The following ASTN2 variants were observed in gnomAD, a reference collection of about 807,000 sequenced individuals.
ASTN2 encodes the protein astrotactin 2.
ASTN2 carries 54 observed loss-of-function variants against 139.8 expected under a neutral mutation model. The ratio of observed to expected loss-of-function variants is 0.39; its 90% CI spans 0.31 to 0.48. The LOEUF is 0.48. Ranked by LOEUF, ASTN2 falls within the 20% of genes least tolerant of loss-of-function variation. The pLI is 0.95. For missense variants in ASTN2, 1,565 were observed against 1,725.1 expected, an observed-to-expected ratio of 0.91 and a Z score of 1.64; for synonymous variants, 756 against 719.5, an observed-to-expected ratio of 1.05 and a Z score of -0.81.
chr9:116,573,401 AT>A (rs943774824), intron 19 of ASTN2, among the ~76,000 whole-genome samples: 5 of 152,202 alleles, frequency 3.3e-5, no homozygotes, highest in South Asian at 4.2e-4. Context: ...AGTTAAACAG[AT>A]TTTTTTTCTC....
chr9:117,224,732 G>A (rs1014005440), intron 2 of ASTN2, among the ~76,000 whole-genome samples: 2 of 152,156 alleles, frequency 1.3e-5, no homozygotes, highest in South Asian at 2.1e-4. Flanking sequence ...ACCATTTCAC[G>A]TTTCTGTGCT....
Position 116,541,863 on chromosome 9 carries a change from A to G in ASTN2, c.3356-54363T>C, listed in dbSNP as rs1851890067. Among the ~76,000 whole-genome samples, 3 of 152,208 alleles carry G rather than the reference A, an allele frequency of 2.0e-5. No individual in the cohort carries two copies. The South Asian group carries it at 6.2e-4, about 31-fold the overall frequency. On this transcript the variant is annotated intron_variant, in intron 19 of 22. Coordinates refer to ENST00000313400, the MANE Select transcript of ASTN2 (RefSeq NM_001365068.1). ...AATTAAATTTTTAAATTTTAAGATA[A>G]TTGTAGATTCATATGCAGTTATAAG... is the stretch of plus-strand genomic sequence containing the variant.
chr9:117,360,378 C>T (rs186848887), intron 1 of ASTN2, among the ~76,000 whole-genome samples: 354 of 152,072 alleles, frequency 2.3e-3, no homozygotes, highest in Non-Finnish European at 4.5e-3. Context: ...GGTGTCTAAC[C>T]GAGCTGGTAG....
chr9:117,080,235 C>T (rs1828391016), intron 5 of ASTN2, among the ~76,000 whole-genome samples: 1 of 152,040 alleles, frequency 6.6e-6, no homozygotes, highest in Non-Finnish European at 1.5e-5. Flanking sequence ...ATTTGTTTGT[C>T]CTTAAAAGTA....
rs116672262 is a variant in ASTN2 at position 116,445,560 on chromosome 9, T to C, written c.3498-3007A>G. 5.3e-3 allele frequency among the ~76,000 whole-genome samples: 813 copies of C among 152,300 alleles called. 6 individuals are homozygous for C. The highest frequency in any genetic ancestry group is 0.019 in the African/African-American group (777 of 41,560). ...AGAGGGCCCAGGGTCATCTCGCTGC[T>C]TAGCCAAGCAGCATGAATAAGAGAG... On this transcript the variant is annotated intron_variant, in intron 20 of 22. Coordinates refer to ENST00000313400, the MANE Select transcript of ASTN2 (RefSeq NM_001365068.1).
At chr9:116,969,622 A>T (rs1817144705) in intron 10 of ASTN2, among the ~76,000 whole-genome samples, 1 of 152,164 alleles carries the variant, frequency 6.6e-6, no homozygotes, top group Non-Finnish European at 1.5e-5. Flanking sequence ...GAGTCCCAAC[A>T]TTTGGGAGCA....
intron 13 of ASTN2, among the ~76,000 whole-genome samples, chr9:116,742,111 ATT>A (rs1829110931): frequency 6.6e-6 from 1 of 152,224 alleles, no homozygotes; most frequent in African/African-American, 2.4e-5. Context: ...AAGGTAAATC[ATT>A]GTTTTGAAAA....
intron 16 of ASTN2, among the ~76,000 whole-genome samples, chr9:116,682,804 C>T (rs1022759939): frequency 2.0e-5 from 3 of 151,940 alleles, no homozygotes; most frequent in Admixed American, 6.6e-5. Flanking sequence ...CATATTCTCA[C>T]TCATAGGTGG....
At chr9:116,862,281 C>T (rs2132338750) in intron 11 of ASTN2, among the ~76,000 whole-genome samples, 1 of 152,246 alleles carries the variant, frequency 6.6e-6, no homozygotes, top group South Asian at 2.1e-4. Context: ...TCTATCCTTC[C>T]CTTCTTCTTT....
chr9:116,999,446 C>T (rs1837121650), intron 7 of ASTN2, among the ~76,000 whole-genome samples: 1 of 151,276 alleles, frequency 6.6e-6, no homozygotes. Flanking sequence ...ATGTAACATA[C>T]TCAAGGTCGA....
At chr9:117,341,450 C>A (rs1256825969) in intron 1 of ASTN2, among the ~76,000 whole-genome samples, 4 of 151,762 alleles carry the variant, frequency 2.6e-5, no homozygotes, top group Non-Finnish European at 5.9e-5. Flanking sequence ...GTTAAGAAAA[C>A]AAAAAGAAGG....
rs151043090 is a variant in ASTN2 at position 117,207,767 on chromosome 9, A to T, written c.1015+6591T>A. ...CATGGCCCTAATATCAGGGAATCAG[A>T]CCCCAAGCTGCATGAACATCCCCCT... On this transcript the variant is annotated intron_variant, in intron 3 of 22. Coordinates refer to ENST00000313400, the MANE Select transcript of ASTN2 (RefSeq NM_001365068.1). 8.8e-4 allele frequency among the ~76,000 whole-genome samples: 134 copies of T among 152,166 alleles called. 2 individuals are homozygous for T. The East Asian group carries it at 0.015, about 18-fold the overall frequency.
chr9:117,362,620 A>T (rs1332518007), intron 1 of ASTN2, among the ~76,000 whole-genome samples: 1 of 152,070 alleles, frequency 6.6e-6, no homozygotes, highest in East Asian at 1.9e-4. Flanking sequence ...TCAGGATGGC[A>T]AGAGCTTCCT....
intron 16 of ASTN2, among the ~76,000 whole-genome samples, chr9:116,710,069 G>A (rs911951024): frequency 1.3e-5 from 2 of 152,120 alleles, no homozygotes. Context: ...TCACATCTGG[G>A]AAAACTGATA....
chr9:116,897,789 G>C (rs528530425), intron 10 of ASTN2, among the ~76,000 whole-genome samples: 1 of 151,758 alleles, frequency 6.6e-6, no homozygotes, highest in Non-Finnish European at 1.5e-5. Context: ...ACACATTACA[G>C]CATTCCTATG....
chr9:116,863,913 C>T (rs1564311624), intron 10 of ASTN2, among the ~76,000 whole-genome samples, 180 bp from the exon 11 acceptor site: 1 of 152,104 alleles, frequency 6.6e-6, no homozygotes, highest in Non-Finnish European at 1.5e-5. Context: ...CGGTGCTTGT[C>T]AAGTTGTGAT....
At chr9:117,184,417 C>A (rs1831148351) in intron 3 of ASTN2, among the ~76,000 whole-genome samples, 2 of 152,164 alleles carry the variant, frequency 1.3e-5, no homozygotes. Flanking sequence ...CATCTGTTCT[C>A]CGAAGGCTTC....
chr9:117,248,231 G>A (rs1351774775), intron 2 of ASTN2, among the ~76,000 whole-genome samples: 1 of 152,164 alleles, frequency 6.6e-6, no homozygotes, highest in Non-Finnish European at 1.5e-5. Context: ...AGCTTCGAAT[G>A]GTGAGTACAC....
intron 16 of ASTN2, among the ~76,000 whole-genome samples, chr9:116,652,214 T>C (rs1010090029): frequency 6.6e-6 from 1 of 151,916 alleles, no homozygotes; most frequent in Non-Finnish European, 1.5e-5. Context: ...TAATCCCAGC[T>C]ACTCGGGAGG....
Sources: allele counts gnomAD v4.1 joint callset (sites outside exome capture counted in the v4.1 genomes callset), GRCh38; gene constraint gnomAD v4.1.1; transcripts MANE v1.5; gene names NCBI Gene and HGNC (gene_info 2026-07-23, HGNC 2026-07-21).